Variants in PDLIM1 observed in about 807,000 individuals in gnomAD.
PDLIM1 encodes PDZ and LIM domain 1, also known as PDZ and LIM domain protein 1.
PDLIM1 carries 25 observed loss-of-function variants against 35.2 expected under a neutral mutation model. The observed-to-expected ratio is 0.71, with a 90% CI of 0.52 to 0.99. The LOEUF is 0.99. Among genes scored for constraint, PDLIM1 ranks in the 50% least tolerant of loss-of-function variants. The pLI is 0.00. For missense variants in PDLIM1, 363 were observed against 415.3 expected (o/e 0.87, Z 1.09); for synonymous variants, 152 against 154.0 (o/e 0.99, Z 0.10).
At chr10:95,284,283 GTATTTTTTAT>G (rs1191602980) in intron 1 of PDLIM1, among the ~76,000 whole-genome samples, 1 of 152,036 alleles carries the variant, frequency 6.6e-6, no homozygotes, top group Non-Finnish European at 1.5e-5. Context: ...AGAAGCATAA[GTATTTTTTAT>G]TATTTTTTTA....
chr10:95,283,981 C>CTCTGTGTGTGTG lies in PDLIM1; in HGVS notation c.96+6838_96+6839insCACACACACAGA, dbSNP rs143926521. On this transcript the variant is annotated intron_variant, in intron 1 of 6. Coordinates refer to ENST00000329399, the MANE Select transcript of PDLIM1 (RefSeq NM_020992.4). ...TCACTCTTAGGTATGGCCTTTTTCT[C>CTCTGTGTGTGTG]TGTGTGTGTGTGTGTGTGTGTGTGT... is the stretch of plus-strand genomic sequence containing the variant. Among the ~76,000 whole-genome samples, 13 of 150,322 alleles carry CTCTGTGTGTGTG rather than the reference C, an allele frequency of 8.6e-5. No individual in the cohort carries two copies. The South Asian group carries it at 1.3e-3, about 15-fold the overall frequency.
At chr10:95,284,568 G>T (rs1198883573) in intron 1 of PDLIM1, among the ~76,000 whole-genome samples, 1 of 152,120 alleles carries the variant, frequency 6.6e-6, no homozygotes, top group East Asian at 1.9e-4. Flanking sequence ...TGGCCAGGCT[G>T]GCCTCAAACT....
At chr10:95,283,736 A>G (rs2035578314) in intron 1 of PDLIM1, among the ~76,000 whole-genome samples, 1 of 152,214 alleles carries the variant, frequency 6.6e-6, no homozygotes, top group African/African-American at 2.4e-5. Flanking sequence ...TGTATACAGC[A>G]CAAATGGTAA....
chr10:95,268,908 T>A, intron 2 of PDLIM1, 46 bp from the exon 3 acceptor site: 1 of 1,347,072 alleles, frequency 7.4e-7, no homozygotes, highest in Non-Finnish European at 1.1e-6. Flanking sequence ...GTAAAATAAA[T>A]AATATATACC....
intron 3 of PDLIM1, among the ~76,000 whole-genome samples, chr10:95,266,945 T>C (rs1358542797): frequency 2.6e-5 from 4 of 152,248 alleles, no homozygotes; most frequent in Non-Finnish European, 4.4e-5. Flanking sequence ...TGTGTAACTA[T>C]GCTGACCTCA....
intron 1 of PDLIM1, among the ~76,000 whole-genome samples, chr10:95,275,938 A>G (rs2035508009): frequency 6.6e-6 from 1 of 152,210 alleles, no homozygotes; most frequent in Admixed American, 6.5e-5. Flanking sequence ...GAAATCTCAG[A>G]AAGTCACAAG....
intron 1 of PDLIM1, among the ~76,000 whole-genome samples, chr10:95,276,181 T>C (rs906381894): frequency 6.6e-6 from 1 of 152,148 alleles, no homozygotes; most frequent in African/African-American, 2.4e-5. Flanking sequence ...TTGTGAGTGG[T>C]TCAAGTTCAC....
intron 3 of PDLIM1, among the ~76,000 whole-genome samples, chr10:95,268,435 T>G (rs1442589478): frequency 6.6e-6 from 1 of 152,182 alleles, no homozygotes; most frequent in African/African-American, 2.4e-5. Flanking sequence ...CCTGTCATGA[T>G]TCATTTGTTG....
At position 95,237,795 on chromosome 10, in the gene PDLIM1, G is replaced by C; in HGVS notation, c.*130C>G. On this transcript the variant is annotated 3_prime_UTR_variant, in exon 7 of 7. Coordinates refer to ENST00000329399, the MANE Select transcript of PDLIM1 (RefSeq NM_020992.4). ...AGTCAATTAACCAAGGCAGGGAGGGGACTCAATGTTTTACAAGCAGAGGGA... is the reference window on the plus strand; with the variant it reads ...AGTCAATTAACCAAGGCAGGGAGGGCACTCAATGTTTTACAAGCAGAGGGA... 1 of 696,462 alleles carries C rather than the reference G, an allele frequency of 1.4e-6. No homozygotes were observed. Among genetic ancestry groups the C allele is most frequent in the East Asian group, 2.7e-5 (1 of 36,766 alleles). The allele number at this position is 696,462 out of a possible 1,614,324, so 43.1% of individuals were successfully genotyped here. A position where few individuals can be genotyped will look rare whatever the true frequency, so the allele number is the denominator to read the frequency against.
chr10:95,266,926 C>T (rs2035422063), intron 3 of PDLIM1, among the ~76,000 whole-genome samples: 1 of 152,202 alleles, frequency 6.6e-6, no homozygotes, highest in African/African-American at 2.4e-5. Flanking sequence ...TGAGGAAGTA[C>T]AAACTAGGTG....
chr10:95,283,942 A>T (rs2035579889), intron 1 of PDLIM1, among the ~76,000 whole-genome samples: 1 of 151,864 alleles, frequency 6.6e-6, no homozygotes, highest in South Asian at 2.1e-4. Flanking sequence ...CTGGAATCAC[A>T]CAGTATTTAC....
At chr10:95,246,834 G>A (rs1479147028) in intron 5 of PDLIM1, among the ~76,000 whole-genome samples, 1 of 152,104 alleles carries the variant, frequency 6.6e-6, no homozygotes, top group Non-Finnish European at 1.5e-5. Context: ...ATTGCCCATG[G>A]CCTTCATCAC....
chr10:95,286,403 G>A (rs1383624698), intron 1 of PDLIM1, among the ~76,000 whole-genome samples: 1 of 151,376 alleles, frequency 6.6e-6, no homozygotes, highest in Non-Finnish European at 1.5e-5. Context: ...GAAAACCTCT[G>A]GGTTTGCTTG....
intron 1 of PDLIM1, among the ~76,000 whole-genome samples, chr10:95,275,779 C>G (rs747871930): frequency 7.2e-5 from 11 of 152,176 alleles, no homozygotes; most frequent in Non-Finnish European, 1.2e-4. Flanking sequence ...GTGGGAGAGA[C>G]ATTTCTGCTA....
chr10:95,272,101 G>C (rs1473973509), intron 1 of PDLIM1, among the ~76,000 whole-genome samples: 1 of 151,886 alleles, frequency 6.6e-6, no homozygotes, highest in East Asian at 1.9e-4. Flanking sequence ...TATATTACTG[G>C]TCCTCCAACT....
intron 4 of PDLIM1, among the ~76,000 whole-genome samples, chr10:95,256,986 A>AAAAAAAAGAAAGAAAG: frequency 1.6e-5 from 1 of 61,658 alleles, no homozygotes; most frequent in Non-Finnish European, 3.2e-5. Flanking sequence ...AAAAAAAAAA[A>AAAAAAAAGAAAGAAAG]AAAGAAAGAA....
intron 1 of PDLIM1, among the ~76,000 whole-genome samples, chr10:95,281,832 T>C (rs1389598268): frequency 1.3e-5 from 2 of 152,188 alleles, no homozygotes; most frequent in Non-Finnish European, 2.9e-5. Flanking sequence ...TCTAAATAAC[T>C]CGACGTGGGT....
chr10:95,263,395 C>T (rs1191933894), intron 4 of PDLIM1, among the ~76,000 whole-genome samples: 2 of 152,276 alleles, frequency 1.3e-5, no homozygotes, highest in Non-Finnish European at 2.9e-5. Context: ...AAAGCAAACA[C>T]TGCTTCACCA....
intron 4 of PDLIM1, among the ~76,000 whole-genome samples, chr10:95,255,729 A>C (rs1345660832): frequency 6.6e-6 from 1 of 152,196 alleles, no homozygotes; most frequent in Non-Finnish European, 1.5e-5. Context: ...GCAAGGCAAG[A>C]ATGCCAACTT....
Sources: gnomAD v4.1 joint callset for allele counts (sites outside exome capture counted in the v4.1 genomes callset) on GRCh38, gnomAD v4.1.1 for gene constraint, MANE v1.5 for transcripts, NCBI Gene and HGNC (gene_info 2026-07-23, HGNC 2026-07-21) for gene names.